The following ENAH variants were observed in gnomAD, a reference collection of about 807,000 sequenced individuals.
ENAH encodes the protein protein enabled homolog.
In ENAH, 23 loss-of-function variants were observed where a neutral mutation model predicts 78.7. The ratio of observed to expected loss-of-function variants is 0.29; its 90% CI spans 0.21 to 0.41. The LOEUF (loss-of-function observed/expected upper bound fraction) is 0.41. Among genes scored for constraint, ENAH ranks in the 10% least tolerant of loss-of-function variants. The pLI is 1.00. For synonymous variants in ENAH, 226 were observed against 241.0 expected, an observed-to-expected ratio of 0.94 and a Z score of 0.58; for missense variants, 544 against 691.0, an observed-to-expected ratio of 0.79 and a Z score of 2.39.
intron 1 of ENAH, among the ~76,000 whole-genome samples, chr1:225,611,619 CA>C (rs974887706): frequency 6.0e-5 from 9 of 150,316 alleles, no homozygotes; most frequent in African/African-American, 1.5e-4. Flanking sequence ...CTTGCCCAGA[CA>C]AAAAAAAAAT....
At chr1:225,640,710 T>A (rs1314785524) in intron 1 of ENAH, among the ~76,000 whole-genome samples, 3 of 152,162 alleles carry the variant, frequency 2.0e-5, no homozygotes, top group Non-Finnish European at 2.9e-5. Flanking sequence ...GAGATAACAG[T>A]TCTATCAGTG....
At chr1:225,554,773 C>A in intron 3 of ENAH, 133 bp downstream of exon 3, 1 of 695,496 alleles carries the variant, frequency 1.4e-6, no homozygotes, top group Non-Finnish European at 2.1e-6. Flanking sequence ...CAAATATATA[C>A]AAGATCTAAA....
At chr1:225,517,904 C>T (rs2096434400) in intron 5 of ENAH, 5 of 1,550,650 alleles carry the variant, frequency 3.2e-6, no homozygotes, top group South Asian at 2.4e-5. Context: ...ATGACTTTAG[C>T]GTATGATGGA....
chr1:225,533,839 G>A (rs2096549461), intron 3 of ENAH, among the ~76,000 whole-genome samples: 1 of 152,152 alleles, frequency 6.6e-6, no homozygotes, highest in East Asian at 1.9e-4. Flanking sequence ...TTCACAATTA[G>A]CCACAGACTA....
Position 225,567,361 on chromosome 1 carries a change from T to G in ENAH, c.59A>C (p.Asn20Thr). 2 of 1,614,152 alleles carry G rather than the reference T, an allele frequency of 1.2e-6. No individual in the cohort carries two copies. The highest frequency in any genetic ancestry group is 1.7e-6 in the Non-Finnish European group (2 of 1,180,010). Residue 20 changes from asparagine (N) to threonine (T), a missense_variant, in exon 2 of 14, where the codon AAT becomes ACT. Around this residue, in one of 4 missense-constraint regions of ENAH, gnomAD observed 77 missense variants for 151.8 expected, o/e 0.51. Coordinates refer to ENST00000366843, the MANE Select transcript of ENAH (RefSeq NM_018212.6). ...GCCACCAGCTGGCACCCACTTCTTA[T>G]TGGCATCATCATAAACCATCACAGC... Reference protein sequence around the residue: ...RAAVMVYDDANKKWVPAGGST... With the variant: ...RAAVMVYDDATKKWVPAGGST...
chr1:225,612,065 C>T (rs1176921200), intron 1 of ENAH, among the ~76,000 whole-genome samples: 2 of 152,112 alleles, frequency 1.3e-5, no homozygotes, highest in East Asian at 1.9e-4. Context: ...TCATGTAACC[C>T]GGCCAATTCC....
intron 3 of ENAH, among the ~76,000 whole-genome samples, chr1:225,549,499 T>C (rs776421309): frequency 6.6e-6 from 1 of 152,136 alleles, no homozygotes; most frequent in Non-Finnish European, 1.5e-5. Context: ...AGAAAAGAGG[T>C]TGAGTTCTAA....
chr1:225,531,156 A>G (rs1452658780), intron 3 of ENAH: 1 of 397,538 alleles, frequency 2.5e-6, no homozygotes, highest in African/African-American at 2.1e-5. Context: ...TTAAGCTGCC[A>G]TTTTTGTCTA....
intron 1 of ENAH, among the ~76,000 whole-genome samples, chr1:225,581,741 T>G (rs771299513): frequency 5.3e-5 from 8 of 152,042 alleles, no homozygotes; most frequent in Non-Finnish European, 1.2e-4. Flanking sequence ...TCACCCAGGC[T>G]GGAGTGCAGT....
At chr1:225,582,163 CCT>C (rs936304220) in intron 1 of ENAH, among the ~76,000 whole-genome samples, 21 of 151,394 alleles carry the variant, frequency 1.4e-4, no homozygotes, top group East Asian at 3.9e-4. Flanking sequence ...GTCTTCCCCC[CCT>C]CTCTCTCTCT....
At chr1:225,555,438 C>T (rs1463657207) in intron 2 of ENAH, among the ~76,000 whole-genome samples, 1 of 151,988 alleles carries the variant, frequency 6.6e-6, no homozygotes, top group African/African-American at 2.4e-5. Flanking sequence ...AAAAATTAGC[C>T]AGGCGCAGTG....
rs1254074469 is a variant in ENAH, at chr1:225,606,071, G to A, written c.6-38657C>T. Among the ~76,000 whole-genome samples, 4 of 152,212 alleles carry A rather than the reference G, an allele frequency of 2.6e-5. No individual in the cohort carries two copies. The East Asian group carries it at 7.7e-4, about 29-fold the overall frequency. Reference sequence around the variant, plus strand: ...TATTTTTTAATGTTCCTTTTGGATAGATTATGCTTAAAATACCAAAATGGA... The same window carrying A: ...TATTTTTTAATGTTCCTTTTGGATAAATTATGCTTAAAATACCAAAATGGA... On this transcript the variant is annotated intron_variant, in intron 1 of 13. Coordinates refer to ENST00000366843, the MANE Select transcript of ENAH (RefSeq NM_018212.6).
chr1:225,514,219 C>T (rs188914107), intron 7 of ENAH, among the ~76,000 whole-genome samples: 177 of 152,064 alleles, frequency 1.2e-3, no homozygotes, highest in African/African-American at 4.1e-3. Context: ...CAGGCTAGAG[C>T]GCAGTGGCAT....
intron 1 of ENAH, among the ~76,000 whole-genome samples, chr1:225,590,598 C>G (rs1575633427): frequency 6.6e-6 from 1 of 152,112 alleles, no homozygotes; most frequent in South Asian, 2.1e-4. Flanking sequence ...TTTCTCCCCC[C>G]CATTCCCTTT....
intron 2 of ENAH, among the ~76,000 whole-genome samples, chr1:225,563,227 C>T (rs1438277198): frequency 6.6e-6 from 1 of 152,152 alleles, no homozygotes; most frequent in African/African-American, 2.4e-5. Context: ...ACAATTACAT[C>T]ATTGGTGAGT....
At chr1:225,553,404 C>T (rs1408161689) in intron 3 of ENAH, among the ~76,000 whole-genome samples, 2 of 151,984 alleles carry the variant, frequency 1.3e-5, no homozygotes, top group African/African-American at 4.8e-5. Flanking sequence ...AATATAAGTT[C>T]CTAATATCAG....
chr1:225,589,088 G>A (rs2096862568), intron 1 of ENAH, among the ~76,000 whole-genome samples: 1 of 152,064 alleles, frequency 6.6e-6, no homozygotes, highest in Admixed American at 6.6e-5. Context: ...GTTCCTAGAT[G>A]AATTCTGGAA....
Position 225,488,909 on chromosome 1 carries a change from A to G in ENAH, c.*8866T>C, listed in dbSNP as rs1271399076. 6.6e-6 allele frequency: 1 copy of G among 152,236 alleles called. No homozygotes were observed. Among genetic ancestry groups the G allele is most frequent in the Non-Finnish European group, 1.5e-5 (1 of 68,044 alleles). 9.4% of individuals were successfully genotyped at this position (152,236 alleles called of 1,614,324 possible). A position where few individuals can be genotyped will look rare whatever the true frequency, so the allele number is the denominator to read the frequency against. On this transcript the variant is annotated 3_prime_UTR_variant, in exon 14 of 14. Transcript: ENST00000366843. ...CTGCCAAGACATTGCTGTTAAACAG[A>G]GTCTTTTGGATTAAAACCAGGGAAC... is the stretch of plus-strand genomic sequence containing the variant.
chr1:225,572,988 T>A lies in ENAH; in HGVS notation c.6-5574A>T, dbSNP rs1348257441. 2.0e-5 allele frequency among the ~76,000 whole-genome samples: 3 copies of A among 152,322 alleles called. No individual in the cohort carries two copies. In the East Asian group the frequency reaches 5.8e-4, roughly 29 times the overall value. On this transcript the variant is annotated intron_variant, in intron 1 of 13. Transcript: ENST00000366843. ...AAGACACCAAATTACAATTTTGTAG[T>A]TTTGTCAGGTAGTTCATTTCTGAAT...
Sources: allele counts gnomAD v4.1 joint callset (sites outside exome capture counted in the v4.1 genomes callset), GRCh38; gene constraint gnomAD v4.1.1; regional missense constraint gnomAD v4.1.1; transcripts MANE v1.5; gene names NCBI Gene and HGNC (gene_info 2026-07-23, HGNC 2026-07-21).